CDK6: variants seen among roughly 807,000 people sequenced by gnomAD.
CDK6 encodes the protein cyclin dependent kinase 6.
Under a neutral mutation model 37.1 loss-of-function variants are expected in CDK6, and 6 were observed. That is an observed-to-expected ratio of 0.16 (90% confidence interval 0.09 to 0.32). The LOEUF is 0.32. Ranked by LOEUF, CDK6 falls within the 10% of genes least tolerant of loss-of-function variation. The pLI, the probability that CDK6 is intolerant of heterozygous loss-of-function variation, is 1.00. For missense variants in CDK6, 224 were observed against 418.9 expected (o/e 0.53, Z 4.06); for synonymous variants, 160 against 161.3 (o/e 0.99, Z 0.06).
At chr7:92,755,304 A>C (rs1263232994) in intron 3 of CDK6, among the ~76,000 whole-genome samples, 2 of 151,504 alleles carry the variant, frequency 1.3e-5, no homozygotes, top group East Asian at 3.9e-4. Flanking sequence ...GAACGTCTGG[A>C]GGGGACCCAG....
Position 92,694,861 on chromosome 7 carries a change from C to T in CDK6, c.538-23326G>A, listed in dbSNP as rs566627164. On this transcript the variant is annotated intron_variant, in intron 4 of 7. Coordinates refer to ENST00000424848, the MANE Select transcript of CDK6 (RefSeq NM_001145306.2). ...AAAAGACCACAGCAAAAAGGAATGA[C>T]ATGGGATATAATTTTTCTGTTCCTA... Among the ~76,000 whole-genome samples, 14 of 152,196 alleles carry T rather than the reference C, an allele frequency of 9.2e-5. No homozygotes were observed. The South Asian group carries it at 2.9e-3, about 32-fold the overall frequency.
chr7:92,633,125 G>A (rs1796091781), intron 5 of CDK6, among the ~76,000 whole-genome samples: 1 of 151,840 alleles, frequency 6.6e-6, no homozygotes, highest in Admixed American at 6.6e-5. Context: ...AAAAAACTAT[G>A]GGTACACACA....
intron 6 of CDK6, 166 bp from the exon 7 acceptor site, chr7:92,618,373 G>A: frequency 3.3e-6 from 2 of 601,472 alleles, no homozygotes; most frequent in South Asian, 2.2e-5. Context: ...CTGTCCTACT[G>A]CAATATGGTG....
At chr7:92,792,090 T>C (rs1306967791) in intron 2 of CDK6, among the ~76,000 whole-genome samples, 1 of 151,808 alleles carries the variant, frequency 6.6e-6, no homozygotes, top group Non-Finnish European at 1.5e-5. Context: ...AAATTGGAGG[T>C]GAGGAAAACA....
Position 92,671,664 on chromosome 7 carries a change from C to T in CDK6, c.538-129G>A, listed in dbSNP as rs546666654. The T allele has an allele frequency of 2.5e-5, 11 of 437,610 alleles. No homozygotes were observed. The South Asian group carries it at 4.8e-4, about 19-fold the overall frequency. 27.1% of individuals were successfully genotyped at this position (437,610 alleles called of 1,614,324 possible). A position where few individuals can be genotyped will look rare whatever the true frequency, so the allele number is the denominator to read the frequency against. Reference sequence around the variant, plus strand: ...TCCTATAAATCATATAAGGACACTGCGCTAGAAGCAATAGGTAAATAGGAC... The same window carrying T: ...TCCTATAAATCATATAAGGACACTGTGCTAGAAGCAATAGGTAAATAGGAC... On this transcript the variant is annotated intron_variant, in intron 4 of 7. Transcript: ENST00000424848.
intron 5 of CDK6, among the ~76,000 whole-genome samples, chr7:92,665,361 T>C (rs1796934292): frequency 6.6e-6 from 1 of 152,202 alleles, no homozygotes; most frequent in African/African-American, 2.4e-5. Flanking sequence ...TATAACAATT[T>C]TTTTTTAGTA....
At chr7:92,653,008 T>C (rs1483630071) in intron 5 of CDK6, among the ~76,000 whole-genome samples, 1 of 152,232 alleles carries the variant, frequency 6.6e-6, no homozygotes, top group Non-Finnish European at 1.5e-5. Context: ...AACAAAGTTG[T>C]AGAATTTTCC....
chr7:92,657,982 A>G (rs559291794), intron 5 of CDK6, among the ~76,000 whole-genome samples: 1 of 152,302 alleles, frequency 6.6e-6, no homozygotes, highest in South Asian at 2.1e-4. Flanking sequence ...TTGGCCTTCC[A>G]AAGTGCTGGG....
intron 5 of CDK6, among the ~76,000 whole-genome samples, chr7:92,664,695 T>A (rs563665276): frequency 6.6e-6 from 1 of 152,238 alleles, no homozygotes; most frequent in African/African-American, 2.4e-5. Flanking sequence ...TAGCTATGGA[T>A]TGGCAGAGCT....
chr7:92,787,613 G>A (rs981735563), intron 2 of CDK6, among the ~76,000 whole-genome samples: 5 of 152,036 alleles, frequency 3.3e-5, no homozygotes, highest in Non-Finnish European at 7.4e-5. Context: ...TAATATGTAT[G>A]CATTACTGCC....
At chr7:92,708,609 T>TA (rs1320597135) in intron 4 of CDK6, among the ~76,000 whole-genome samples, 3 of 152,160 alleles carry the variant, frequency 2.0e-5, no homozygotes, top group Non-Finnish European at 4.4e-5. Flanking sequence ...CCCAATAAAG[T>TA]AAAACATCTA....
intron 2 of CDK6, among the ~76,000 whole-genome samples, chr7:92,818,923 C>G (rs1363286913): frequency 2.6e-5 from 4 of 151,960 alleles, no homozygotes; most frequent in African/African-American, 9.7e-5. Context: ...TTGACAGTCC[C>G]AAGTGTTCAG....
chr7:92,633,147 T>TA (rs1196600189), intron 5 of CDK6, among the ~76,000 whole-genome samples: 2 of 152,248 alleles, frequency 1.3e-5, no homozygotes, highest in East Asian at 3.9e-4. Flanking sequence ...TTTCACTTCT[T>TA]AGTTTATATC....
At chr7:92,785,678 A>AT (rs1170374485) in intron 2 of CDK6, among the ~76,000 whole-genome samples, 3 of 152,104 alleles carry the variant, frequency 2.0e-5, no homozygotes, top group Non-Finnish European at 4.4e-5. Context: ...CCAGAATCTG[A>AT]TTTTCTAACC....
At chr7:92,717,303 T>G (rs1346970986) in intron 4 of CDK6, among the ~76,000 whole-genome samples, 1 of 150,266 alleles carries the variant, frequency 6.7e-6, no homozygotes, top group African/African-American at 2.5e-5. Flanking sequence ...GACTGTGCCA[T>G]TGCACTCTAG....
At chr7:92,787,370 TCTC>T (rs1258914390) in intron 2 of CDK6, among the ~76,000 whole-genome samples, 1 of 152,096 alleles carries the variant, frequency 6.6e-6, no homozygotes, top group Non-Finnish European at 1.5e-5. Flanking sequence ...CAGATTTTTT[TCTC>T]CTACCACTCA....
At chr7:92,705,966 G>C (rs1797957015) in intron 4 of CDK6, among the ~76,000 whole-genome samples, 1 of 152,206 alleles carries the variant, frequency 6.6e-6, no homozygotes, top group Non-Finnish European at 1.5e-5. Flanking sequence ...GTTATACAAG[G>C]GCTGGGCTGA....
chr7:92,700,262 C>T (rs557801259), intron 4 of CDK6, among the ~76,000 whole-genome samples: 3 of 152,078 alleles, frequency 2.0e-5, no homozygotes, highest in South Asian at 2.1e-4. Flanking sequence ...TTATGCAGGG[C>T]GTGTATGTCA....
chr7:92,717,515 GAA>G (rs750211283), intron 4 of CDK6, among the ~76,000 whole-genome samples: 1 of 151,264 alleles, frequency 6.6e-6, no homozygotes, highest in Admixed American at 6.6e-5. Context: ...GAAAAAGAAA[GAA>G]AGAAAAGAAA....
Sources: gnomAD v4.1 joint callset for allele counts (sites outside exome capture counted in the v4.1 genomes callset) on GRCh38, gnomAD v4.1.1 for gene constraint, MANE v1.5 for transcripts, NCBI Gene and HGNC (gene_info 2026-07-23, HGNC 2026-07-21) for gene names.